The following SCRT1 variants were observed in gnomAD, a reference collection of about 807,000 sequenced individuals.
The protein encoded by SCRT1 is transcriptional repressor scratch 1.
Under a neutral mutation model 3.4 loss-of-function variants are expected in SCRT1, and 1 was observed. The observed-to-expected ratio is 0.29, with a 90% CI of 0.10 to 1.39. SCRT1 has a LOEUF of 1.39. Among genes scored for constraint, SCRT1 ranks in the 40% most tolerant of loss-of-function variants. The pLI, the probability that SCRT1 is intolerant of heterozygous loss-of-function variation, is 0.42. For missense variants in SCRT1, 380 were observed against 526.3 expected (o/e 0.72, Z 2.72); for synonymous variants, 238 against 247.0 (o/e 0.96, Z 0.34).
chr8:144,335,682 G>A lies in SCRT1; in HGVS notation c.115+373C>T, dbSNP rs1282638699. ...GTGCAGTCAAGGAAGAGGAGAGGGT[G>A]GCGAGGCGGCCCTGGTCTCTTGAGT... On this transcript the variant is annotated intron_variant, in intron 1 of 1. Transcript: ENST00000569446. This position sits in a 1 kb window ranked among gnomAD's most constrained non-coding sequence, Gnocchi z 7.7. Among the ~76,000 whole-genome samples, 1 of 152,214 alleles carries A rather than the reference G, an allele frequency of 6.6e-6. No individual in the cohort carries two copies. Among genetic ancestry groups the A allele is most frequent in the Non-Finnish European group, 1.5e-5 (1 of 68,044 alleles).
Position 144,336,198 on chromosome 8 carries a change from C to T in SCRT1, c.-29G>A. ...TCCTGCGGGGCTCCGGCGCTGTGGG[C>T]CTGCGGAGCCGGGGCTTGGGGGGGC... is the stretch of plus-strand genomic sequence containing the variant. On this transcript the variant is annotated 5_prime_UTR_variant, in exon 1 of 2. Coordinates refer to ENST00000569446, the MANE Select transcript of SCRT1 (RefSeq NM_031309.6). This position sits in a 1 kb window ranked among gnomAD's most constrained non-coding sequence, Gnocchi z 6.8. 6.7e-7 allele frequency: 1 copy of T among 1,501,788 alleles called. No homozygotes were observed. Among genetic ancestry groups the T allele is most frequent in the Non-Finnish European group, 9.0e-7 (1 of 1,105,488 alleles). The allele number at this position is 1,501,788 out of a possible 1,614,324, so 93.0% of individuals were successfully genotyped here.
rs1303191881 is a variant in SCRT1 at position 144,330,903 on chromosome 8, T to TTGTGC, written c.*2277_*2281dup. On this transcript the variant is annotated 3_prime_UTR_variant, in exon 2 of 2. Transcript: ENST00000569446. ...CTACCTGAATTCGCTAAGTCGGTTA[T>TTGTGC]TGTGCTGCTTAGTTATGGGGGCGGG... 1 of 152,458 alleles carries TTGTGC rather than the reference T, an allele frequency of 6.6e-6. No homozygotes were observed. The highest frequency in any genetic ancestry group is 1.5e-5 in the Non-Finnish European group (1 of 68,008). The allele number at this position is 152,458 out of a possible 1,614,324, so 9.4% of individuals were successfully genotyped here.
chr8:144,333,764 G>T lies in SCRT1; in HGVS notation c.468C>A (p.Gly156=), dbSNP rs1817839005. 3 of 1,175,222 alleles carry T rather than the reference G, an allele frequency of 2.6e-6. No individual in the cohort carries two copies. In the South Asian group the frequency reaches 1.3e-4, roughly 49 times the overall value. 72.8% of individuals were successfully genotyped at this position (1,175,222 alleles called of 1,614,324 possible). ...CCGGCCCGGATCCCAAGCTGCGCCC[G>T]CCCGCCCCGCCCCCGCCTCCGGCGT... ...DGDAGGGGGA[G]GRSLGSGPGG... Residue 156 remains glycine, a synonymous_variant, in exon 2 of 2, where the codon GGC becomes GGA. Transcript: ENST00000569446.
Position 144,335,100 on chromosome 8 carries a change from T to C in SCRT1, c.115+955A>G, listed in dbSNP as rs147365280. On this transcript the variant is annotated intron_variant, in intron 1 of 1. Transcript: ENST00000569446. The surrounding 1 kb of genome is among the most constrained non-coding windows in gnomAD (Gnocchi z 7.7). ...CAGGGCTACACCCAGTCTCCCAGCATGATCAGCCCTTGTGTGCCCTCACAG... is the reference window on the plus strand; with the variant it reads ...CAGGGCTACACCCAGTCTCCCAGCACGATCAGCCCTTGTGTGCCCTCACAG... 0.014 allele frequency among the ~76,000 whole-genome samples: 2,199 copies of C among 152,320 alleles called. 31 individuals are homozygous for C. The highest frequency in any genetic ancestry group is 0.024 in the Non-Finnish European group (1,599 of 68,028).
At position 144,333,527 on chromosome 8, in the gene SCRT1, C is replaced by G. The variant is rs1554849881; in HGVS notation, c.705G>C (p.Pro235=). 5 of 1,607,380 alleles carry G rather than the reference C, an allele frequency of 3.1e-6. No homozygotes were observed. The highest frequency in any genetic ancestry group is 4.2e-6 in the Non-Finnish European group (5 of 1,178,352). The change falls in exon 2 of 2, where the codon CCG becomes CCC. Residue 235 remains proline (P), a synonymous_variant. Transcript: ENST00000569446. ...GCGTGAGCAGGTGCATGGCCATGGC[C>G]GGCATGGACACGTACACCTTGCCGC... The part of the protein sequence containing the change: ...PTCGKVYVSM[P]AMAMHLLTHD...
Position 144,336,078 on chromosome 8 carries a change from AGGTC to A in SCRT1, c.88_91del (p.Asp30SerfsTer176). On this transcript the variant is annotated frameshift_variant, in exon 1 of 2. Coordinates refer to ENST00000569446, the MANE Select transcript of SCRT1 (RefSeq NM_031309.6). LOFTEE classifies it low-confidence loss of function (END_TRUNC). The surrounding 1 kb of genome is among the most constrained non-coding windows in gnomAD (Gnocchi z 6.8). The stretch of plus-strand genomic sequence containing the variant: ...ACCTTTATCGTGCAGTGGCGCGCCG[AGGTC>A]GCTGCGGGCGCGTCCGTAGGCGCTC... The A allele has an allele frequency of 6.2e-7, 1 of 1,607,528 alleles. No individual in the cohort carries two copies. Among genetic ancestry groups the A allele is most frequent in the Non-Finnish European group, 8.5e-7 (1 of 1,177,294 alleles).
In SCRT1 at chr8:144,332,813, C is replaced by T. The variant is rs1248688403; in HGVS notation, c.*372G>A. ...GAAGGGGTGGGGAAGACCTGAGTCCCTGCGACGCGATCCAGGGGCGCAGAG... is the reference window on the plus strand; with the variant it reads ...GAAGGGGTGGGGAAGACCTGAGTCCTTGCGACGCGATCCAGGGGCGCAGAG... On this transcript the variant is annotated 3_prime_UTR_variant, in exon 2 of 2. Transcript: ENST00000569446. 1.5e-5 allele frequency: 3 copies of T among 194,734 alleles called. No homozygotes were observed. Among genetic ancestry groups the T allele is most frequent in the African/African-American group, 2.3e-5 (1 of 42,842 alleles). 12.1% of individuals were successfully genotyped at this position (194,734 alleles called of 1,614,324 possible). A position where few individuals can be genotyped will look rare whatever the true frequency, so the allele number is the denominator to read the frequency against.
chr8:144,333,102 C>T lies in SCRT1; in HGVS notation c.*83G>A. On this transcript the variant is annotated 3_prime_UTR_variant, in exon 2 of 2. Transcript: ENST00000569446. The stretch of plus-strand genomic sequence containing the variant: ...CTGTGAGGAGGGGCCCGCCCTCCGG[C>T]CCCTCCACCCGGACGCCAGCGAAGA... 1 of 1,221,524 alleles carries T rather than the reference C, an allele frequency of 8.2e-7. No homozygotes were observed. Among genetic ancestry groups the T allele is most frequent in the Non-Finnish European group, 1.1e-6 (1 of 908,926 alleles). 75.7% of individuals were successfully genotyped at this position (1,221,524 alleles called of 1,614,324 possible).
Position 144,335,985 on chromosome 8 carries a change from C to T in SCRT1, c.115+70G>A. ...TTCCCCGGGCCCTGCCCTCCGCCCC[C>T]ACACTCTGGCCCTCCACCGCTTCCA... On this transcript the variant is annotated intron_variant, in intron 1 of 1. Transcript: ENST00000569446. This position sits in a 1 kb window ranked among gnomAD's most constrained non-coding sequence, Gnocchi z 7.7. 3 of 1,114,656 alleles carry T rather than the reference C, an allele frequency of 2.7e-6. No homozygotes were observed. Among genetic ancestry groups the T allele is most frequent in the Non-Finnish European group, 3.8e-6 (3 of 796,294 alleles). The allele number at this position is 1,114,656 out of a possible 1,614,324, so 69.0% of individuals were successfully genotyped here.
At chr8:144,334,229 A>G in intron 1 of SCRT1, 113 bp from the exon 2 acceptor site, 1 of 809,518 alleles carries the variant, frequency 1.2e-6, no homozygotes, top group East Asian at 3.2e-5. Flanking sequence ...CGGGTCCGGG[A>G]GAGAGGCGAA....
At position 144,336,413 on chromosome 8, in the gene SCRT1, C is replaced by T. The variant is rs1208899103; in HGVS notation, c.-244G>A. On this transcript the variant is annotated 5_prime_UTR_variant, in exon 1 of 2. Coordinates refer to ENST00000569446, the MANE Select transcript of SCRT1 (RefSeq NM_031309.6). This position sits in a 1 kb window ranked among gnomAD's most constrained non-coding sequence, Gnocchi z 6.8. Reference sequence around the variant, plus strand: ...TCCTTCCTTCCTTCAATCCTTCCTTCCTTCTCTCCTCTTCTCTCCTCTCCT... The same window carrying T: ...TCCTTCCTTCCTTCAATCCTTCCTTTCTTCTCTCCTCTTCTCTCCTCTCCT... 1.3e-4 allele frequency: 56 copies of T among 427,234 alleles called. No individual in the cohort carries two copies. The highest frequency in any genetic ancestry group is 4.2e-5 in the Non-Finnish European group (10 of 235,874). The allele number at this position is 427,234 out of a possible 1,614,324, so 26.5% of individuals were successfully genotyped here.
chr8:144,332,269 C>T lies in SCRT1; in HGVS notation c.*916G>A, dbSNP rs969673498. The T allele has an allele frequency of 5.3e-5, 8 of 152,242 alleles. No homozygotes were observed. The highest frequency in any genetic ancestry group is 1.0e-4 in the Non-Finnish European group (7 of 68,022). The allele number at this position is 152,242 out of a possible 1,614,324, so 9.4% of individuals were successfully genotyped here. On this transcript the variant is annotated 3_prime_UTR_variant, in exon 2 of 2. Coordinates refer to ENST00000569446, the MANE Select transcript of SCRT1 (RefSeq NM_031309.6). Reference sequence around the variant, plus strand: ...AACGTACAAATACAGAAAAAGAAACCCGACGCGTCCGCAACCCCCCCAGGG... The same window carrying T: ...AACGTACAAATACAGAAAAAGAAACTCGACGCGTCCGCAACCCCCCCAGGG...
At position 144,333,615 on chromosome 8, in the gene SCRT1, A is replaced by C; in HGVS notation, c.617T>G (p.Leu206Arg). Residue 206 changes from leucine to arginine, a missense_variant, in exon 2 of 2, where the codon CTG becomes CGG. By Grantham distance (102) the Leu-to-Arg change is moderately radical. This residue lies in a region of SCRT1 where 56 missense variants were observed against 169.3 expected (regional missense o/e 0.33). Transcript: ENST00000569446. ...CGKTYATSSN[L>R]SRHKQTHRSL... ...GCGGTGCGTCTGCTTGTGGCGGCTC[A>C]GGTTCGACGACGTGGCGTATGTTTT... The C allele has an allele frequency of 1.2e-6, 2 of 1,607,924 alleles. No individual in the cohort carries two copies. Among genetic ancestry groups the C allele is most frequent in the Non-Finnish European group, 1.7e-6 (2 of 1,178,822 alleles).
At position 144,332,964 on chromosome 8, in the gene SCRT1, G is replaced by T; in HGVS notation, c.*221C>A. On this transcript the variant is annotated 3_prime_UTR_variant, in exon 2 of 2. Coordinates refer to ENST00000569446, the MANE Select transcript of SCRT1 (RefSeq NM_031309.6). ...GGAGAAAGCCGGGGGCACCCTGGAGGGGAGGGGAGGGGGCTCGGGGTGGGT... is the reference window on the plus strand; with the variant it reads ...GGAGAAAGCCGGGGGCACCCTGGAGTGGAGGGGAGGGGGCTCGGGGTGGGT... 1 of 497,768 alleles carries T rather than the reference G, an allele frequency of 2.0e-6. No individual in the cohort carries two copies. The allele number at this position is 497,768 out of a possible 1,614,324, so 30.8% of individuals were successfully genotyped here. A position where few individuals can be genotyped will look rare whatever the true frequency, so the allele number is the denominator to read the frequency against.
chr8:144,336,030 G>T lies in SCRT1; in HGVS notation c.115+25C>A. On this transcript the variant is annotated intron_variant, in intron 1 of 1. Transcript: ENST00000569446. This position sits in a 1 kb window ranked among gnomAD's most constrained non-coding sequence, Gnocchi z 6.8. ...CTTCCAGCAAAGCCCCAGGCCCCGCGCCCTGGTCTCAGACCAGCGCTCACC... is the reference window on the plus strand; with the variant it reads ...CTTCCAGCAAAGCCCCAGGCCCCGCTCCCTGGTCTCAGACCAGCGCTCACC... The T allele has an allele frequency of 6.6e-7, 1 of 1,508,974 alleles. No homozygotes were observed. 93.5% of individuals were successfully genotyped at this position (1,508,974 alleles called of 1,614,324 possible).
chr8:144,333,401 G>A lies in SCRT1; in HGVS notation c.831C>T (p.Gly277=), dbSNP rs1554849848. 3 of 1,606,310 alleles carry A rather than the reference G, an allele frequency of 1.9e-6. No individual in the cohort carries two copies. In the African/African-American group the frequency reaches 4.0e-5, roughly 21 times the overall value. ...CGAAGGCCTTGCCGCAGTGCGCGCA[G>A]CCGAAGGGTTTCTCGCCGGTGTGCG... ...MRSHTGEKPF[G]CAHCGKAFAD... Residue 277 remains glycine (G), a synonymous_variant, in exon 2 of 2, where the codon GGC becomes GGT. Coordinates refer to ENST00000569446, the MANE Select transcript of SCRT1 (RefSeq NM_031309.6).
rs797033236 is a variant in SCRT1, at chr8:144,335,565, C to T, written c.115+490G>A. Among the ~76,000 whole-genome samples the T allele has an allele frequency of 1.3e-4, 20 of 152,334 alleles. No individual in the cohort carries two copies. The highest frequency in any genetic ancestry group is 4.8e-4 in the African/African-American group (20 of 41,572). The stretch of plus-strand genomic sequence containing the variant: ...AGAGACTGCTGCTGCCTCTGCTGGC[C>T]CTCTGCTCTGACAGGTGGGCGGCCC... On this transcript the variant is annotated intron_variant, in intron 1 of 1. Coordinates refer to ENST00000569446, the MANE Select transcript of SCRT1 (RefSeq NM_031309.6). The surrounding 1 kb of genome is among the most constrained non-coding windows in gnomAD (Gnocchi z 7.7).
At position 144,336,025 on chromosome 8, in the gene SCRT1, C is replaced by T; in HGVS notation, c.115+30G>A. ...CACCGCTTCCAGCAAAGCCCCAGGC[C>T]CCGCGCCCTGGTCTCAGACCAGCGC... On this transcript the variant is annotated intron_variant, in intron 1 of 1. Coordinates refer to ENST00000569446, the MANE Select transcript of SCRT1 (RefSeq NM_031309.6). The surrounding 1 kb of genome is among the most constrained non-coding windows in gnomAD (Gnocchi z 6.8). 6.7e-7 allele frequency: 1 copy of T among 1,489,412 alleles called. No individual in the cohort carries two copies. The highest frequency in any genetic ancestry group is 9.1e-7 in the Non-Finnish European group (1 of 1,101,066). The allele number at this position is 1,489,412 out of a possible 1,614,324, so 92.3% of individuals were successfully genotyped here. A position where few individuals can be genotyped will look rare whatever the true frequency, so the allele number is the denominator to read the frequency against.
At position 144,331,743 on chromosome 8, in the gene SCRT1, C is replaced by A. The variant is rs1312058896; in HGVS notation, c.*1442G>T. ...GAAAGTCTGCGCGGCCGGCCCCGCG[C>A]AGCGTCCCTGATCTAGGGGCCTATG... On this transcript the variant is annotated 3_prime_UTR_variant, in exon 2 of 2. Coordinates refer to ENST00000569446, the MANE Select transcript of SCRT1 (RefSeq NM_031309.6). The A allele has an allele frequency of 6.6e-6, 1 of 152,248 alleles. No individual in the cohort carries two copies. The highest frequency in any genetic ancestry group is 2.4e-5 in the African/African-American group (1 of 41,392). The allele number at this position is 152,248 out of a possible 1,614,324, so 9.4% of individuals were successfully genotyped here. A position where few individuals can be genotyped will look rare whatever the true frequency, so the allele number is the denominator to read the frequency against.
Sources: allele counts gnomAD v4.1 joint callset (sites outside exome capture counted in the v4.1 genomes callset), GRCh38; gene constraint gnomAD v4.1.1; regional missense constraint gnomAD v4.1.1; non-coding constraint Gnocchi (gnomAD v3.1); transcripts MANE v1.5; gene names NCBI Gene and HGNC (gene_info 2026-07-23, HGNC 2026-07-21).